The following CDH24 variants were observed in gnomAD, a reference collection of about 807,000 sequenced individuals.
CDH24 encodes the protein cadherin-24.
Under a neutral mutation model 71.2 loss-of-function variants are expected in CDH24, and 61 were observed. The ratio of observed to expected loss-of-function variants is 0.86; its 90% CI spans 0.70 to 1.06. The LOEUF is 1.06. CDH24 is among the 50% of genes least tolerant of loss of function. The probability of loss-of-function intolerance (pLI) is 0.00; values close to 1 mark genes in which losing one functional copy is unlikely to be tolerated. For missense variants in CDH24, 961 were observed against 1,083.7 expected (o/e 0.89, Z 1.59); for synonymous variants, 440 against 470.2 (o/e 0.94, Z 0.83).
chr14:23,048,985 G>A, intron 11 of CDH24, 42 bp downstream of exon 11: 2 of 1,586,496 alleles, frequency 1.3e-6, no homozygotes, highest in Non-Finnish European at 8.6e-7. Context: ...CACCCCTGCA[G>A]GCCCAGATCG....
chr14:23,051,891 C>T lies in CDH24; in HGVS notation c.1363+582G>A, dbSNP rs978775934. 9 of 799,896 alleles carry T rather than the reference C, an allele frequency of 1.1e-5. No homozygotes were observed. The East Asian group carries it at 1.4e-4, about 12-fold the overall frequency. 49.5% of individuals were successfully genotyped at this position (799,896 alleles called of 1,614,324 possible). A position where few individuals can be genotyped will look rare whatever the true frequency, so the allele number is the denominator to read the frequency against. ...AGGGCTGCCCAGAGGCAGCTGAACCCGCTGCTGGCCTGACTGATGGGGGAG... is the reference window on the plus strand; with the variant it reads ...AGGGCTGCCCAGAGGCAGCTGAACCTGCTGCTGGCCTGACTGATGGGGGAG... On this transcript the variant is annotated intron_variant, in intron 8 of 12. Coordinates refer to ENST00000487137, the MANE Select transcript of CDH24 (RefSeq NM_144985.4). This position sits in a 1 kb window ranked among gnomAD's most constrained non-coding sequence, Gnocchi z 4.4.
At position 23,047,827 on chromosome 14, in the gene CDH24, G is replaced by T. The variant is rs990452173; in HGVS notation, c.*153C>A. 4 of 429,058 alleles carry T rather than the reference G, an allele frequency of 9.3e-6. No homozygotes were observed. The highest frequency in any genetic ancestry group is 6.3e-4 in the Middle Eastern group (1 of 1,584). 26.6% of individuals were successfully genotyped at this position (429,058 alleles called of 1,614,324 possible). On this transcript the variant is annotated 3_prime_UTR_variant, in exon 12 of 13. Coordinates refer to ENST00000487137, the MANE Select transcript of CDH24 (RefSeq NM_144985.4). ...GACTCAGGAGGAGGGAGGTGAGAGC[G>T]AGGGTGCCCCGGGGAAGCAAGGAGG...
rs1211407450 is a variant in CDH24, at chr14:23,054,162, G to A, written c.951C>T (p.Asp317=). ...FSISTDLQGR[D]GLLTVRKPLD... ...TAACCTTGCGGACAGTGAGGAGCCC[G>A]TCTCGACCCTGCAAGTCTGTGCTGA... Residue 317 remains aspartate (D), a synonymous_variant, in exon 6 of 13, where the codon GAC becomes GAT. Coordinates refer to ENST00000487137, the MANE Select transcript of CDH24 (RefSeq NM_144985.4). The surrounding 1 kb of genome is among the most constrained non-coding windows in gnomAD (Gnocchi z 5.2). The A allele has an allele frequency of 5.0e-6, 8 of 1,606,358 alleles. No homozygotes were observed. Among genetic ancestry groups the A allele is most frequent in the East Asian group, 2.2e-5 (1 of 44,726 alleles).
At position 23,055,180 on chromosome 14, in the gene CDH24, G is replaced by A. The variant is rs1354530717; in HGVS notation, c.375C>T (p.Ala125=). The change falls in exon 3 of 13, where the codon GCC becomes GCT. Residue 125 remains alanine (A), a synonymous_variant. Transcript: ENST00000487137. This position sits in a 1 kb window ranked among gnomAD's most constrained non-coding sequence, Gnocchi z 4.1. ...YVLLAQAVDR[A]SNRPLEPPSE... ...ATGGGGGCTCCAGGGGCCGGTTGGA[G>A]GCTCGGTCCACGGCTTGGGCCAGTA... is the stretch of plus-strand genomic sequence containing the variant. The A allele has an allele frequency of 2.5e-6, 4 of 1,614,102 alleles. No homozygotes were observed. The highest frequency in any genetic ancestry group is 2.5e-6 in the Non-Finnish European group (3 of 1,180,040).
At chr14:23,048,505 C>T (rs779562468) in intron 11 of CDH24, 26 bp from the exon 12 acceptor site, 2 of 1,596,808 alleles carry the variant, frequency 1.3e-6, no homozygotes, top group African/African-American at 1.3e-5. Context: ...GCACACAGGC[C>T]CTGAGCCAGC....
Position 23,048,206 on chromosome 14 carries a change from G to A in CDH24, c.2120C>T (p.Ala707Val), listed in dbSNP as rs1379318228. The change falls in exon 12 of 13, where the codon GCG (alanine) becomes GTG (valine). Residue 707 changes from alanine (A) to valine (V), a missense_variant. Around this residue, in one of 2 missense-constraint regions of CDH24, gnomAD observed 290 missense variants for 272.8 expected, o/e 1.06. Transcript: ENST00000487137. Reference protein sequence around the residue: ...PGPADVAQLLALRLREADEDP... With the variant: ...PGPADVAQLLVLRLREADEDP... ...CTCGTCCGCCTCGCGGAGCCGCAGC[G>A]CCAGGAGCTGCGCCACGTCGGCGGG... is the stretch of plus-strand genomic sequence containing the variant. 1.4e-5 allele frequency: 18 copies of A among 1,321,300 alleles called. No homozygotes were observed. The highest frequency in any genetic ancestry group is 3.7e-5 in the Admixed American group (1 of 27,060). The allele number at this position is 1,321,300 out of a possible 1,614,324, so 81.8% of individuals were successfully genotyped here.
Position 23,047,100 on chromosome 14 carries a change from T to G in CDH24, c.*794A>C, listed in dbSNP as rs1342942670. 1 of 152,230 alleles carries G rather than the reference T, an allele frequency of 6.6e-6. No individual in the cohort carries two copies. The highest frequency in any genetic ancestry group is 1.5e-5 in the Non-Finnish European group (1 of 68,040). 9.4% of individuals were successfully genotyped at this position (152,230 alleles called of 1,614,324 possible). A position where few individuals can be genotyped will look rare whatever the true frequency, so the allele number is the denominator to read the frequency against. ...ATAAAGTGTTTGTTTATTATGAAATTAGAGATGGAGGCCCCTCCCCTTCCT... is the reference window on the plus strand; with the variant it reads ...ATAAAGTGTTTGTTTATTATGAAATGAGAGATGGAGGCCCCTCCCCTTCCT... On this transcript the variant is annotated 3_prime_UTR_variant, in exon 13 of 13. Coordinates refer to ENST00000487137, the MANE Select transcript of CDH24 (RefSeq NM_144985.4).
chr14:23,050,061 T>C, intron 8 of CDH24, 118 bp from the exon 9 acceptor site: 1 of 1,370,406 alleles, frequency 7.3e-7, no homozygotes, highest in Admixed American at 2.0e-5. Flanking sequence ...AAGAAACACA[T>C]GAAATATGCA....
Position 23,049,087 on chromosome 14 carries a change from C to T in CDH24, c.1786G>A (p.Ala596Thr). 1.2e-6 allele frequency: 2 copies of T among 1,611,986 alleles called. No individual in the cohort carries two copies. The highest frequency in any genetic ancestry group is 1.7e-4 in the Middle Eastern group (1 of 5,854). Reference protein sequence around the residue: ...ASCWPEAHLSAAGLSTGALLA... With the variant: ...ASCWPEAHLSTAGLSTGALLA... The stretch of plus-strand genomic sequence containing the variant: ...AGGGCGCCGGTGCTGAGCCCAGCAG[C>T]TGAGAGGTGAGCCTCAGGCCAGCAG... The change falls in exon 11 of 13, where the codon GCT becomes ACT. Residue 596 changes from alanine to threonine, a missense_variant. By Grantham distance (58) the Ala-to-Thr change is moderately conservative. Around this residue, in one of 2 missense-constraint regions of CDH24, gnomAD observed 671 missense variants for 810.9 expected, o/e 0.83. Transcript: ENST00000487137.
Position 23,048,316 on chromosome 14 carries a change from C to G in CDH24, c.2010G>C (p.Gly670=). 6.2e-7 allele frequency: 1 copy of G among 1,608,094 alleles called. No individual in the cohort carries two copies. The highest frequency in any genetic ancestry group is 8.5e-7 in the Non-Finnish European group (1 of 1,178,360). The part of the protein sequence containing the change: ...FDITALQNPD[G]AAPPAPGPPA... ...GAGGGCCGGGCGCCGGGGGGGCCGCCCCGTCCGGGTTCTGCAAGGCCGTGA... is the reference window on the plus strand; with the variant it reads ...GAGGGCCGGGCGCCGGGGGGGCCGCGCCGTCCGGGTTCTGCAAGGCCGTGA... The change falls in exon 12 of 13, where the codon GGG becomes GGC. Residue 670 remains glycine (G), a synonymous_variant. Transcript: ENST00000487137.
chr14:23,048,247 C>T lies in CDH24; in HGVS notation c.2079G>A (p.Gln693=), dbSNP rs914185680. ...DVLPRARVSR[Q]PRPPGPADVA... ...CGTCGGCGGGGCCGGGGGGTCTGGG[C>T]TGGCGCGACACCCGGGCCCGGGGCA... is the stretch of plus-strand genomic sequence containing the variant. Residue 693 remains glutamine (Q), a synonymous_variant, in exon 12 of 13, where the codon CAG becomes CAA. Transcript: ENST00000487137. The T allele has an allele frequency of 1.3e-5, 18 of 1,391,644 alleles. No individual in the cohort carries two copies. The highest frequency in any genetic ancestry group is 1.6e-5 in the Non-Finnish European group (17 of 1,079,596). The allele number at this position is 1,391,644 out of a possible 1,614,324, so 86.2% of individuals were successfully genotyped here.
rs150958098 is a variant in CDH24 at position 23,048,314 on chromosome 14, G to T, written c.2012C>A (p.Ala671Glu). The change falls in exon 12 of 13, where the codon GCG becomes GAG. Residue 671 changes from alanine to glutamate, a missense_variant. Physicochemically the swap from Ala to Glu is moderately radical, Grantham distance 107. Coordinates refer to ENST00000487137, the MANE Select transcript of CDH24 (RefSeq NM_144985.4). ...DITALQNPDG[A>E]APPAPGPPAR... is the part of the protein sequence containing the mutation. ...GGGAGGGCCGGGCGCCGGGGGGGCC[G>T]CCCCGTCCGGGTTCTGCAAGGCCGT... The T allele has an allele frequency of 2.4e-5, 38 of 1,606,396 alleles. No individual in the cohort carries two copies. The highest frequency in any genetic ancestry group is 4.0e-5 in the African/African-American group (3 of 74,486).
At position 23,052,535 on chromosome 14, in the gene CDH24, G is replaced by A; in HGVS notation, c.1301C>T (p.Ala434Val). 1.2e-6 allele frequency: 2 copies of A among 1,614,090 alleles called. No individual in the cohort carries two copies. Among genetic ancestry groups the A allele is most frequent in the Non-Finnish European group, 1.7e-6 (2 of 1,179,990 alleles). ...IQPEEGTIHT[A>V]APLDREARAW... ...GCGAGCCTCGCGATCCAGGGGTGCT[G>A]CTGTATGGATGGTGCCTTCCTCGGG... Residue 434 changes from alanine (A) to valine (V), a missense_variant, in exon 8 of 13, where the codon GCA becomes GTA. Around this residue, in one of 2 missense-constraint regions of CDH24, gnomAD observed 671 missense variants for 810.9 expected, o/e 0.83. Transcript: ENST00000487137.
At position 23,049,646 on chromosome 14, in the gene CDH24, A is replaced by G; in HGVS notation, c.1578T>C (p.Phe526=). ...FQGPLGPDAN[F]TVQDNRDGSA... ...ACCTACCTCGGTTGTCCTGGACAGT[A>G]AAGTTGGCATCAGGGCCCAGAGGAC... Residue 526 remains phenylalanine, a synonymous_variant, in exon 10 of 13, where the codon TTT becomes TTC. Transcript: ENST00000487137. 1 of 1,583,968 alleles carries G rather than the reference A, an allele frequency of 6.3e-7. No individual in the cohort carries two copies. The highest frequency in any genetic ancestry group is 8.6e-7 in the Non-Finnish European group (1 of 1,162,250).
In CDH24 at chr14:23,051,926, G is replaced by A. The variant is rs1222290386; in HGVS notation, c.1363+547C>T. On this transcript the variant is annotated intron_variant, in intron 8 of 12. Transcript: ENST00000487137. The surrounding 1 kb of genome is among the most constrained non-coding windows in gnomAD (Gnocchi z 4.4). Reference sequence around the variant, plus strand: ...CTGACTGATGGGGGAGACCGCATATGGAGCTGGCACTCCTCCCCTTCCTTA... The same window carrying A: ...CTGACTGATGGGGGAGACCGCATATAGAGCTGGCACTCCTCCCCTTCCTTA... 8.7e-7 allele frequency: 1 copy of A among 1,148,696 alleles called. No individual in the cohort carries two copies. Among genetic ancestry groups the A allele is most frequent in the Non-Finnish European group, 1.2e-6 (1 of 801,170 alleles). 71.2% of individuals were successfully genotyped at this position (1,148,696 alleles called of 1,614,324 possible). A position where few individuals can be genotyped will look rare whatever the true frequency, so the allele number is the denominator to read the frequency against.
Position 23,049,675 on chromosome 14 carries a change from G to C in CDH24, c.1549C>G (p.Gln517Glu). The stretch of plus-strand genomic sequence containing the variant: ...TTGGCATCAGGGCCCAGAGGACCTT[G>C]AAAGGAGACATGGCTACTGTTGCCA... ...EVGNSSHVSF[Q>E]GPLGPDANFT... Residue 517 changes from glutamine (Q) to glutamate (E), a missense_variant, in exon 10 of 13, where the codon CAA becomes GAA. Around this residue, in one of 2 missense-constraint regions of CDH24, gnomAD observed 671 missense variants for 810.9 expected, o/e 0.83. Coordinates refer to ENST00000487137, the MANE Select transcript of CDH24 (RefSeq NM_144985.4). The C allele has an allele frequency of 6.2e-7, 1 of 1,610,404 alleles. No individual in the cohort carries two copies. Among genetic ancestry groups the C allele is most frequent in the Non-Finnish European group, 8.5e-7 (1 of 1,177,616 alleles).
rs1257161972 is a variant in CDH24 at position 23,055,199 on chromosome 14, G to A, written c.356C>T (p.Ala119Val). Residue 119 changes from alanine to valine, a missense_variant, in exon 3 of 13, where the codon GCC becomes GTC. Ala to Val is a moderately conservative substitution (Grantham distance 64). Transcript: ENST00000487137. The surrounding 1 kb of genome is among the most constrained non-coding windows in gnomAD (Gnocchi z 4.1). ...GTTGGAGGCTCGGTCCACGGCTTGGGCCAGTAGCACATATTGCGCCTTTTC... is the reference window on the plus strand; with the variant it reads ...GTTGGAGGCTCGGTCCACGGCTTGGACCAGTAGCACATATTGCGCCTTTTC... ...REEKAQYVLLAQAVDRASNRP... is the reference protein window; with the variant it reads ...REEKAQYVLLVQAVDRASNRP... 4.3e-6 allele frequency: 7 copies of A among 1,614,042 alleles called. No homozygotes were observed. The highest frequency in any genetic ancestry group is 5.9e-6 in the Non-Finnish European group (7 of 1,180,016).
rs1458341579 is a variant in CDH24, at chr14:23,054,457, G to A, written c.784+49C>T. On this transcript the variant is annotated intron_variant, in intron 5 of 12. Coordinates refer to ENST00000487137, the MANE Select transcript of CDH24 (RefSeq NM_144985.4). The surrounding 1 kb of genome is among the most constrained non-coding windows in gnomAD (Gnocchi z 5.2). The stretch of plus-strand genomic sequence containing the variant: ...AGGGAAGGTTTCTCCAGACACTGTA[G>A]GGGTGGGGTGATCAAAGGATGGCTC... 8 of 1,590,606 alleles carry A rather than the reference G, an allele frequency of 5.0e-6. No individual in the cohort carries two copies. The highest frequency in any genetic ancestry group is 6.0e-6 in the Non-Finnish European group (7 of 1,166,276).
At chr14:23,052,102 A>G in intron 8 of CDH24, 1 of 1,376,468 alleles carries the variant, frequency 7.3e-7, no homozygotes, top group Non-Finnish European at 1.0e-6. Flanking sequence ...GAGAGTGGGC[A>G]GGATGGGGTC....
Sources: gnomAD v4.1 joint callset for allele counts on GRCh38, gnomAD v4.1.1 for gene constraint, gnomAD v4.1.1 regional missense constraint, Gnocchi (gnomAD v3.1) non-coding constraint, MANE v1.5 for transcripts, NCBI Gene and HGNC (gene_info 2026-07-23, HGNC 2026-07-21) for gene names.